The following ADARB2 variants were observed in gnomAD, a reference collection of about 807,000 sequenced individuals.
The protein encoded by ADARB2 is inactive double-stranded RNA-specific editase B2.
In ADARB2, 25 loss-of-function variants were observed where a neutral mutation model predicts 62.2. The observed-to-expected ratio is 0.40, with a 90% CI of 0.29 to 0.56. The LOEUF is 0.56. Ranked by LOEUF, ADARB2 falls within the 20% of genes least tolerant of loss-of-function variation. The probability of loss-of-function intolerance (pLI) is 0.43; values close to 1 mark genes in which losing one functional copy is unlikely to be tolerated. For synonymous variants in ADARB2, 572 were observed against 500.8 expected (o/e 1.14, Z -1.90); for missense variants, 1,071 against 1,077.4 (o/e 0.99, Z 0.08).
chr10:1,566,544 A>G (rs61831958), intron 1 of ADARB2, among the ~76,000 whole-genome samples: 39,830 of 152,130 alleles, frequency 0.26, 5,434 homozygotes, highest in African/African-American at 0.32. Context: ...GGGGAAAAAG[A>G]AGTGCCTTCA....
intron 1 of ADARB2, among the ~76,000 whole-genome samples, chr10:1,653,945 G>C (rs541943146): frequency 6.6e-6 from 1 of 152,180 alleles, no homozygotes; most frequent in Non-Finnish European, 1.5e-5. Context: ...CGTGTGGCTG[G>C]GGGAGGGGAG....
At chr10:1,558,394 C>G (rs1832737444) in intron 1 of ADARB2, among the ~76,000 whole-genome samples, 1 of 141,392 alleles carries the variant, frequency 7.1e-6, no homozygotes, top group African/African-American at 2.7e-5. Flanking sequence ...AAACTCGAAT[C>G]CCACCTCTGC....
At chr10:1,418,528 AC>A (rs1832824962) in intron 1 of ADARB2, among the ~76,000 whole-genome samples, 1 of 152,204 alleles carries the variant, frequency 6.6e-6, no homozygotes, top group African/African-American at 2.4e-5. Flanking sequence ...CCTTCCACGC[AC>A]CAACAAAATA....
chr10:1,423,478 AG>A (rs1832867803), intron 1 of ADARB2, among the ~76,000 whole-genome samples: 1 of 151,244 alleles, frequency 6.6e-6, no homozygotes, highest in African/African-American at 2.4e-5. Flanking sequence ...TCATGGTGCT[AG>A]GGGGACTCAA....
chr10:1,650,716 G>T (rs1053117762), intron 1 of ADARB2, among the ~76,000 whole-genome samples: 1 of 152,152 alleles, frequency 6.6e-6, no homozygotes, highest in Non-Finnish European at 1.5e-5. Context: ...TTCTCTGTCC[G>T]CCCACTGCAG....
At chr10:1,421,186 G>A (rs183649577) in intron 1 of ADARB2, among the ~76,000 whole-genome samples, 2 of 152,052 alleles carry the variant, frequency 1.3e-5, no homozygotes, top group African/African-American at 4.8e-5. Flanking sequence ...CGGACCAAAG[G>A]GGCCCTCTGC....
At chr10:1,484,823 C>A (rs1831521068) in intron 1 of ADARB2, among the ~76,000 whole-genome samples, 1 of 152,090 alleles carries the variant, frequency 6.6e-6, no homozygotes, top group Admixed American at 6.5e-5. Flanking sequence ...CCTATGTTGG[C>A]ATGCAGGTGT....
intron 1 of ADARB2, among the ~76,000 whole-genome samples, chr10:1,671,469 G>A (rs902471777): frequency 9.2e-5 from 14 of 152,162 alleles, no homozygotes; most frequent in African/African-American, 3.4e-4. Context: ...ATCACCACCC[G>A]TCACACCTGC....
chr10:1,223,972 TG>T (rs1477800874), intron 6 of ADARB2, among the ~76,000 whole-genome samples: 1 of 152,188 alleles, frequency 6.6e-6, no homozygotes, highest in Non-Finnish European at 1.5e-5. Context: ...CTTTTTCTAT[TG>T]ATTGGAATAG....
intron 1 of ADARB2, among the ~76,000 whole-genome samples, chr10:1,510,110 C>CTCTTTCTTTCTTTCTTTCTTTCT (rs1831909194): frequency 7.9e-4 from 84 of 106,250 alleles, no homozygotes; most frequent in African/African-American, 2.9e-3. Flanking sequence ...CTTTCTTTCT[C>CTCTTTCTTTCTTTCTTTCTTTCT]TCTTTCTTTC....
chr10:1,190,693 C>T (rs1040821422), intron 8 of ADARB2, among the ~76,000 whole-genome samples: 5 of 152,206 alleles, frequency 3.3e-5, no homozygotes, highest in Non-Finnish European at 5.9e-5. Context: ...GCATCCTCAC[C>T]GGCTTCTCTG....
intron 1 of ADARB2, among the ~76,000 whole-genome samples, chr10:1,658,357 CTCTG>C (rs1452381621): frequency 7.0e-6 from 1 of 143,534 alleles, no homozygotes; most frequent in African/African-American, 2.6e-5. Flanking sequence ...CTCTGATTCT[CTCTG>C]TTTTTCTCTG....
At chr10:1,726,899 C>T (rs1835174210) in intron 1 of ADARB2, among the ~76,000 whole-genome samples, 1 of 152,130 alleles carries the variant, frequency 6.6e-6, no homozygotes, top group African/African-American at 2.4e-5. Context: ...GGAAGGACAG[C>T]GAGGGCGCCC....
chr10:1,345,828 C>T (rs1218767684), intron 3 of ADARB2, among the ~76,000 whole-genome samples: 1 of 152,204 alleles, frequency 6.6e-6, no homozygotes, highest in African/African-American at 2.4e-5. Flanking sequence ...CAGGCCGACA[C>T]GTGTGCTTGA....
At chr10:1,688,077 C>G (rs1588352973) in intron 1 of ADARB2, among the ~76,000 whole-genome samples, 1 of 152,138 alleles carries the variant, frequency 6.6e-6, no homozygotes. Context: ...ACAATATAAC[C>G]AAAAAGAAGC....
intron 1 of ADARB2, among the ~76,000 whole-genome samples, chr10:1,490,518 A>G (rs1417943301): frequency 6.6e-6 from 1 of 151,960 alleles, no homozygotes; most frequent in African/African-American, 2.4e-5. Flanking sequence ...GCAGTGAGAC[A>G]ATCAGGGCTT....
At chr10:1,269,588 G>A (rs753368198) in intron 4 of ADARB2, among the ~76,000 whole-genome samples, 6 of 152,216 alleles carry the variant, frequency 3.9e-5, no homozygotes, top group Non-Finnish European at 7.3e-5. Flanking sequence ...GAGTCCCAGC[G>A]AGGCTCAGTG....
At chr10:1,720,865 G>A (rs1022817085) in intron 1 of ADARB2, among the ~76,000 whole-genome samples, 15 of 152,196 alleles carry the variant, frequency 9.9e-5, no homozygotes, top group African/African-American at 3.6e-4. Context: ...GTGTGTGCCC[G>A]ATGTCCTGGC....
intron 1 of ADARB2, among the ~76,000 whole-genome samples, chr10:1,613,384 C>T (rs1351478249): frequency 2.0e-5 from 3 of 152,160 alleles, no homozygotes; most frequent in Non-Finnish European, 4.4e-5. Flanking sequence ...TTTCCTACTA[C>T]TTCTTGTCGT....
Sources: gnomAD v4.1 joint callset for allele counts (sites outside exome capture counted in the v4.1 genomes callset) on GRCh38, gnomAD v4.1.1 for gene constraint, MANE v1.5 for transcripts, NCBI Gene and HGNC (gene_info 2026-07-23, HGNC 2026-07-21) for gene names.